The following FMN1 variants were observed in gnomAD, a reference collection of about 807,000 sequenced individuals.
FMN1 encodes the protein formin 1, also known as formin-1.
Under a neutral mutation model 132.4 loss-of-function variants are expected in FMN1, and 110 were observed. That is an observed-to-expected ratio of 0.83 (90% CI 0.71 to 0.97). The LOEUF is 0.97. Among genes scored for constraint, FMN1 ranks in the 50% least tolerant of loss-of-function variants. FMN1 has a pLI of 0.00. For synonymous variants in FMN1, 722 were observed against 651.7 expected, an observed-to-expected ratio of 1.11 and a Z score of -1.64; for missense variants, 1,792 against 1,705.3, an observed-to-expected ratio of 1.05 and a Z score of -0.90.
intron 17 of FMN1, among the ~76,000 whole-genome samples, chr15:32,849,008 G>C (rs1490583152): frequency 8.8e-6 from 1 of 113,114 alleles, no homozygotes; most frequent in African/African-American, 3.2e-5. Flanking sequence ...TTCAGAGACA[G>C]AGTCTCACTC....
At chr15:33,050,325 A>G (rs2036910113) in intron 6 of FMN1, among the ~76,000 whole-genome samples, 1 of 152,238 alleles carries the variant, frequency 6.6e-6, no homozygotes, top group Non-Finnish European at 1.5e-5. Context: ...TGTATAATGA[A>G]AGACACCATG....
chr15:32,990,387 C>G (rs574248150), intron 7 of FMN1, among the ~76,000 whole-genome samples: 1 of 152,246 alleles, frequency 6.6e-6, no homozygotes, highest in South Asian at 2.1e-4. Flanking sequence ...AACACTGACT[C>G]TCCAGGATCA....
chr15:33,087,614 G>C (rs1223933641), intron 5 of FMN1, among the ~76,000 whole-genome samples: 1 of 152,130 alleles, frequency 6.6e-6, no homozygotes, highest in Non-Finnish European at 1.5e-5. Flanking sequence ...ACTAAAAGTA[G>C]ATCCATCATT....
intron 6 of FMN1, among the ~76,000 whole-genome samples, chr15:33,015,481 C>G (rs182534931): frequency 1.7e-3 from 257 of 152,206 alleles, no homozygotes; most frequent in African/African-American, 6.0e-3. Context: ...CATTTATGCG[C>G]TCTTTCTTAC....
At chr15:33,148,249 G>A (rs117660975) in intron 4 of FMN1, among the ~76,000 whole-genome samples, 2,715 of 152,244 alleles carry the variant, frequency 0.018, 27 homozygotes, top group Non-Finnish European at 0.029. Context: ...AAAAACTGTA[G>A]CCACTACTTC....
chr15:32,949,983 A>G (rs1328555855), intron 9 of FMN1, among the ~76,000 whole-genome samples: 1 of 37,482 alleles, frequency 2.7e-5, no homozygotes, highest in African/African-American at 1.6e-4. Context: ...ATATATACAC[A>G]CACATATATA....
chr15:33,023,059 C>CAAAAAA (rs758459713), intron 6 of FMN1, among the ~76,000 whole-genome samples: 635 of 53,106 alleles, frequency 0.012, no homozygotes, highest in Middle Eastern at 0.02. Context: ...CTCCCCCACC[C>CAAAAAA]AAAAAAAAAA....
At chr15:32,997,362 C>T (rs2033834830) in intron 7 of FMN1, among the ~76,000 whole-genome samples, 1 of 148,888 alleles carries the variant, frequency 6.7e-6, no homozygotes, top group African/African-American at 2.5e-5. Flanking sequence ...TTGTGCAGAT[C>T]ATCCTTTATT....
rs570745394 is a variant in FMN1, at chr15:32,927,478, T to C, written c.3139-1217A>G. On this transcript the variant is annotated intron_variant, in intron 9 of 20. Coordinates refer to ENST00000616417, the MANE Select transcript of FMN1 (RefSeq NM_001277313.2). ...CTCACTATATTGCCAATGCTGCTCT[T>C]ACACTCCTGGGCCCAAGCCATCCTC... 6.6e-5 allele frequency among the ~76,000 whole-genome samples: 10 copies of C among 152,302 alleles called. No individual in the cohort carries two copies. In the South Asian group the frequency reaches 1.9e-3, roughly 28 times the overall value.
chr15:32,948,271 T>C (rs1013318005), intron 9 of FMN1, among the ~76,000 whole-genome samples: 17 of 151,816 alleles, frequency 1.1e-4, no homozygotes, highest in Admixed American at 9.8e-4. Flanking sequence ...CAGTCTGGAA[T>C]AAATCAGTTA....
At chr15:33,055,820 G>C (rs746327225) in intron 6 of FMN1, among the ~76,000 whole-genome samples, 34 of 152,226 alleles carry the variant, frequency 2.2e-4, no homozygotes, top group Middle Eastern at 3.4e-3. Context: ...ACTATTAAGA[G>C]AGAGAAAAAA....
chr15:32,879,252 C>A (rs34592087), intron 16 of FMN1, among the ~76,000 whole-genome samples: 4,456 of 152,154 alleles, frequency 0.029, 93 homozygotes, highest in Middle Eastern at 0.11. Context: ...TTTATTATTT[C>A]TAAAACTTTG....
chr15:32,782,404 T>C (rs2056694351), intron 19 of FMN1, among the ~76,000 whole-genome samples: 1 of 152,230 alleles, frequency 6.6e-6, no homozygotes, highest in Admixed American at 6.5e-5. Flanking sequence ...ATAAAAACAT[T>C]TAGAAGTGTA....
At chr15:33,129,787 ATTTTTTTTT>A (rs61564380) in intron 4 of FMN1, among the ~76,000 whole-genome samples, 1 of 121,754 alleles carries the variant, frequency 8.2e-6, no homozygotes, top group Non-Finnish European at 1.7e-5. Flanking sequence ...TTGACTAGCA[ATTTTTTTTT>A]TTTTTTTTTT....
chr15:33,056,418 G>A (rs2037218202), intron 6 of FMN1, among the ~76,000 whole-genome samples: 1 of 152,194 alleles, frequency 6.6e-6, no homozygotes, highest in East Asian at 1.9e-4. Flanking sequence ...TCAGAAAAAG[G>A]AAAATGACAT....
chr15:33,008,649 C>G (rs1396768620), intron 6 of FMN1, among the ~76,000 whole-genome samples: 1 of 152,166 alleles, frequency 6.6e-6, no homozygotes, highest in African/African-American at 2.4e-5. Flanking sequence ...AAATAAATTT[C>G]TGGTCCAATT....
At chr15:32,800,173 C>T (rs1432811259) in intron 18 of FMN1, among the ~76,000 whole-genome samples, 3 of 152,088 alleles carry the variant, frequency 2.0e-5, no homozygotes, top group East Asian at 1.9e-4. Flanking sequence ...TACGATTAGG[C>T]GAGATCCAAG....
At chr15:32,938,520 A>C (rs2061331222) in intron 9 of FMN1, among the ~76,000 whole-genome samples, 2 of 152,158 alleles carry the variant, frequency 1.3e-5, no homozygotes, top group South Asian at 4.2e-4. Context: ...CAGAGCAAAG[A>C]CTCTGTCTGA....
At chr15:33,112,516 C>T (rs1448813558) in intron 4 of FMN1, among the ~76,000 whole-genome samples, 1 of 152,134 alleles carries the variant, frequency 6.6e-6, no homozygotes, top group Non-Finnish European at 1.5e-5. Context: ...AGATGCCGAA[C>T]CTAAGAGCAT....
Sources: gnomAD v4.1 joint callset for allele counts (sites outside exome capture counted in the v4.1 genomes callset) on GRCh38, gnomAD v4.1.1 for gene constraint, MANE v1.5 for transcripts, NCBI Gene and HGNC (gene_info 2026-07-23, HGNC 2026-07-21) for gene names.